SYAP1: variants seen among roughly 807,000 people sequenced by gnomAD.
SYAP1 encodes the protein synapse-associated protein 1.
In SYAP1, 3 loss-of-function variants were observed where a neutral mutation model predicts 29.6. That is an observed-to-expected ratio of 0.10 (90% confidence interval 0.05 to 0.26). The LOEUF is 0.26. SYAP1 is among the 10% of genes least tolerant of loss of function. The pLI is 1.00. For synonymous variants in SYAP1, 102 were observed against 102.7 expected, an observed-to-expected ratio of 0.99 and a Z score of 0.04; for missense variants, 217 against 264.1, an observed-to-expected ratio of 0.82 and a Z score of 1.24.
At chrX:16,759,907 A>G (rs1410631257) in intron 8 of SYAP1, among the ~76,000 whole-genome samples, 3 of 112,505 alleles carry the variant, frequency 2.7e-5, no homozygotes, top group Non-Finnish European at 5.6e-5. Flanking sequence ...GTAAAAATTA[A>G]CTTGCAACCA....
At chrX:16,754,502 G>A (rs1189979557) in intron 5 of SYAP1, among the ~76,000 whole-genome samples, 1 of 111,554 alleles carries the variant, frequency 9.0e-6, no homozygotes, top group African/African-American at 3.3e-5. Context: ...GGCCGAGGCG[G>A]GCAGATCATG....
intron 6 of SYAP1, among the ~76,000 whole-genome samples, chrX:16,755,773 G>A (rs1434416191): frequency 1.8e-5 from 2 of 111,997 alleles, no homozygotes; most frequent in African/African-American, 6.5e-5. Context: ...TTTGAAATCT[G>A]TAATAATTAA....
intron 1 of SYAP1, among the ~76,000 whole-genome samples, chrX:16,726,039 C>T (rs1056532065): frequency 9.0e-6 from 1 of 111,542 alleles, no homozygotes; most frequent in African/African-American, 3.3e-5. Context: ...TGCTATTTCT[C>T]GTGGCCCAAT....
chrX:16,762,578 G>C lies in SYAP1; in HGVS notation c.*2219G>C, dbSNP rs1196107782. 8.9e-6 allele frequency: 1 copy of C among 111,863 alleles called. No individual in the cohort carries two copies. Among genetic ancestry groups the C allele is most frequent in the Non-Finnish European group, 1.9e-5 (1 of 53,206 alleles). The allele number at this position is 111,863 out of a possible 1,213,427, so 9.2% of individuals were successfully genotyped here. ...GCAAAATAATTTATCACCATGTTTG[G>C]TGGAAAATTTCTAAGTATTTATTAC... On this transcript the variant is annotated 3_prime_UTR_variant, in exon 9 of 9. Coordinates refer to ENST00000380155, the MANE Select transcript of SYAP1 (RefSeq NM_032796.4).
intron 5 of SYAP1, among the ~76,000 whole-genome samples, chrX:16,747,542 T>C (rs923477348): frequency 2.7e-5 from 3 of 112,609 alleles, no homozygotes; most frequent in African/African-American, 9.7e-5. Flanking sequence ...GGGGTGCTCA[T>C]AGCAGGCATG....
Position 16,740,566 on chromosome X carries a change from A to G in SYAP1, c.362-1150A>G, listed in dbSNP as rs751067918. 2.7e-3 allele frequency among the ~76,000 whole-genome samples: 302 copies of G among 111,098 alleles called. 3 individuals carry two copies. Among genetic ancestry groups the G allele is most frequent in the African/African-American group, 9.8e-3 (299 of 30,638 alleles). On this transcript the variant is annotated intron_variant, in intron 3 of 8. Coordinates refer to ENST00000380155, the MANE Select transcript of SYAP1 (RefSeq NM_032796.4). ...AGAGTCGCAAGAATAAAAATAGTACAGAGAACACCCATATACCAGTACCTA... is the reference window on the plus strand; with the variant it reads ...AGAGTCGCAAGAATAAAAATAGTACGGAGAACACCCATATACCAGTACCTA...
chrX:16,741,628 A>G, intron 3 of SYAP1, 88 bp from the exon 4 acceptor site: 1 of 631,981 alleles, frequency 1.6e-6, no homozygotes, highest in Non-Finnish European at 2.4e-6. Context: ...TCATGCAGAA[A>G]CTTTCATGCT....
rs1926960306 is a variant in SYAP1, at chrX:16,760,548, CAGAA to C, written c.*193_*196del. The C allele has an allele frequency of 3.5e-6, 1 of 288,989 alleles. No individual in the cohort carries two copies. The highest frequency in any genetic ancestry group is 5.8e-6 in the Non-Finnish European group (1 of 172,801). 23.8% of individuals were successfully genotyped at this position (288,989 alleles called of 1,213,427 possible). A position where few individuals can be genotyped will look rare whatever the true frequency, so the allele number is the denominator to read the frequency against. On this transcript the variant is annotated 3_prime_UTR_variant, in exon 9 of 9. Transcript: ENST00000380155. The stretch of plus-strand genomic sequence containing the variant: ...ATATAGAACAGTTACTTCTAATAAT[CAGAA>C]AGAGATGTTTTATAGAACATTTCTT...
At chrX:16,754,152 C>G (rs1926793586) in intron 5 of SYAP1, among the ~76,000 whole-genome samples, 1 of 111,651 alleles carries the variant, frequency 9.0e-6, no homozygotes, top group South Asian at 3.8e-4. Context: ...CAAACATTCT[C>G]TTTCATAAGG....
At chrX:16,721,254 C>T (rs1011238000) in intron 1 of SYAP1, among the ~76,000 whole-genome samples, 1 of 110,546 alleles carries the variant, frequency 9.0e-6, no homozygotes, top group African/African-American at 3.3e-5. Context: ...TTTCTGGAGA[C>T]AGGGTCTCAC....
chrX:16,727,862 C>A (rs1266624633), intron 1 of SYAP1, among the ~76,000 whole-genome samples: 2 of 111,936 alleles, frequency 1.8e-5, no homozygotes, highest in Non-Finnish European at 3.8e-5. Flanking sequence ...CTCCCTAAGT[C>A]AAGTTTGATT....
At chrX:16,757,126 G>C (rs770642658) in intron 7 of SYAP1, 36 bp from the exon 8 acceptor site, 2 of 1,204,146 alleles carry the variant, frequency 1.7e-6, no homozygotes, top group African/African-American at 3.5e-5. Flanking sequence ...ATGTCGCTTA[G>C]CAAACCATTT....
chrX:16,750,476 T>C (rs758678675), intron 5 of SYAP1, among the ~76,000 whole-genome samples: 27 of 111,764 alleles, frequency 2.4e-4, no homozygotes, highest in African/African-American at 8.8e-4. Context: ...ACTTGTCTTA[T>C]TCCCCCAGCA....
At chrX:16,758,966 G>C (rs1490861350) in intron 8 of SYAP1, among the ~76,000 whole-genome samples, 1 of 105,383 alleles carries the variant, frequency 9.5e-6, no homozygotes, top group Non-Finnish European at 2.0e-5. Context: ...GGCGGATCAC[G>C]AGGTCAGGAG....
At chrX:16,735,986 C>A (rs1204427678) in intron 2 of SYAP1, among the ~76,000 whole-genome samples, 180 bp from the exon 3 acceptor site, 2 of 112,566 alleles carry the variant, frequency 1.8e-5, no homozygotes, top group Non-Finnish European at 3.7e-5. Flanking sequence ...GCCTTTGCAT[C>A]ATGCGACTAA....
rs1283722800 is a variant in SYAP1 at position 16,763,670 on chromosome X, A to G, written c.*3311A>G. ...GCCTTAATTGGTAATTTTTGAAAAAAAAACTAGAGAAACATTGTTTCAGAG... is the reference window on the plus strand; with the variant it reads ...GCCTTAATTGGTAATTTTTGAAAAAGAAACTAGAGAAACATTGTTTCAGAG... On this transcript the variant is annotated 3_prime_UTR_variant, in exon 9 of 9. Transcript: ENST00000380155. 2 of 110,948 alleles carry G rather than the reference A, an allele frequency of 1.8e-5. No individual in the cohort carries two copies. The highest frequency in any genetic ancestry group is 3.8e-5 in the Non-Finnish European group (2 of 52,964). 9.1% of individuals were successfully genotyped at this position (110,948 alleles called of 1,213,427 possible).
intron 6 of SYAP1, 102 bp from the exon 7 acceptor site, chrX:16,756,561 A>G: frequency 1.4e-6 from 1 of 722,679 alleles, no homozygotes; most frequent in Non-Finnish European, 2.1e-6. Context: ...CATTTCTGAA[A>G]ATTATTTAGT....
At chrX:16,759,544 T>A (rs1432154555) in intron 8 of SYAP1, among the ~76,000 whole-genome samples, 1 of 111,628 alleles carries the variant, frequency 9.0e-6, no homozygotes, top group Non-Finnish European at 1.9e-5. Context: ...GTGTGAGAGC[T>A]CCAGTCAGAA....
intron 4 of SYAP1, among the ~76,000 whole-genome samples, chrX:16,743,417 C>T (rs1316175239): frequency 2.8e-5 from 3 of 107,140 alleles, no homozygotes; most frequent in Admixed American, 1.0e-4. Flanking sequence ...AGGTGGATCA[C>T]GAGGTCAGGA....
Sources: allele counts gnomAD v4.1 joint callset (sites outside exome capture counted in the v4.1 genomes callset), GRCh38; gene constraint gnomAD v4.1.1; transcripts MANE v1.5; gene names NCBI Gene and HGNC (gene_info 2026-07-23, HGNC 2026-07-21).